Variants in PAWR observed in about 807,000 individuals in gnomAD.
The protein encoded by PAWR is PRKC apoptosis WT1 regulator protein.
PAWR carries 23 observed loss-of-function variants against 32.0 expected under a neutral mutation model. The ratio of observed to expected loss-of-function variants is 0.72; its 90% CI spans 0.52 to 1.02. The LOEUF (loss-of-function observed/expected upper bound fraction) is 1.02. Ranked by LOEUF, PAWR falls within the 50% of genes least tolerant of loss-of-function variation. PAWR has a pLI of 0.00. For missense variants in PAWR, 457 were observed against 437.7 expected (o/e 1.04, Z -0.39); for synonymous variants, 226 against 187.1 (o/e 1.21, Z -1.70).
Position 79,590,022 on chromosome 12 carries a change from A to G in PAWR, c.*2585T>C, listed in dbSNP as rs1176946026. ...TTTATTTTTCAATGGTTAGTGTAAA[A>G]TTCTGTATGTAAAATAAGTACATAT... On this transcript the variant is annotated 3_prime_UTR_variant, in exon 7 of 7. Transcript: ENST00000328827. 6.6e-6 allele frequency: 1 copy of G among 152,052 alleles called. No individual in the cohort carries two copies. Among genetic ancestry groups the G allele is most frequent in the African/African-American group, 2.4e-5 (1 of 41,404 alleles). 9.4% of individuals were successfully genotyped at this position (152,052 alleles called of 1,614,324 possible).
At chr12:79,650,110 C>T (rs1876769568) in intron 2 of PAWR, among the ~76,000 whole-genome samples, 1 of 152,180 alleles carries the variant, frequency 6.6e-6, no homozygotes, top group African/African-American at 2.4e-5. Context: ...CTGGTAGGGT[C>T]TGCAGCCCAG....
At chr12:79,684,661 A>G (rs1301705607) in intron 2 of PAWR, among the ~76,000 whole-genome samples, 6 of 152,076 alleles carry the variant, frequency 3.9e-5, no homozygotes, top group Non-Finnish European at 8.8e-5. Context: ...AATAGTATAA[A>G]CAGGCCACTA....
chr12:79,596,441 G>C, intron 5 of PAWR, 70 bp downstream of exon 5: 1 of 751,016 alleles, frequency 1.3e-6, no homozygotes, highest in Non-Finnish European at 2.1e-6. Flanking sequence ...TTCTCACTCA[G>C]TTGCTATGAA....
At chr12:79,604,986 A>G (rs781273497) in intron 4 of PAWR, among the ~76,000 whole-genome samples, 3 of 152,170 alleles carry the variant, frequency 2.0e-5, no homozygotes, top group Non-Finnish European at 2.9e-5. Context: ...TCCTCCCAGA[A>G]AAATAAACAT....
intron 2 of PAWR, among the ~76,000 whole-genome samples, chr12:79,654,361 G>A (rs1876995523): frequency 6.6e-6 from 1 of 151,936 alleles, no homozygotes; most frequent in Non-Finnish European, 1.5e-5. Flanking sequence ...GGAGAGGGAT[G>A]TGTTTCCATA....
intron 2 of PAWR, among the ~76,000 whole-genome samples, chr12:79,644,815 CA>C (rs920957270): frequency 6.6e-6 from 1 of 152,022 alleles, no homozygotes; most frequent in Non-Finnish European, 1.5e-5. Context: ...AGATAGTTTC[CA>C]AACAACACAT....
chr12:79,647,939 A>C (rs1312685693), intron 2 of PAWR, among the ~76,000 whole-genome samples: 1 of 152,192 alleles, frequency 6.6e-6, no homozygotes, highest in Admixed American at 6.5e-5. Flanking sequence ...ACCTCAGATC[A>C]TCAGCCATTA....
intron 2 of PAWR, among the ~76,000 whole-genome samples, chr12:79,650,276 G>A (rs957016548): frequency 1.3e-5 from 2 of 152,202 alleles, no homozygotes; most frequent in African/African-American, 4.8e-5. Context: ...AGCAAATTTT[G>A]TTAGAATTCT....
intron 5 of PAWR, among the ~76,000 whole-genome samples, chr12:79,595,366 G>T (rs1873712602): frequency 6.6e-6 from 1 of 152,164 alleles, no homozygotes; most frequent in Admixed American, 6.5e-5. Context: ...GAGCTCAAAA[G>T]GCCTTGCCCA....
intron 3 of PAWR, among the ~76,000 whole-genome samples, chr12:79,615,409 GA>G (rs1874680570): frequency 1.3e-5 from 2 of 152,130 alleles, no homozygotes; most frequent in South Asian, 2.1e-4. Context: ...CCAGTTGCAG[GA>G]AATAACCAGG....
chr12:79,624,099 C>A (rs1021633983), intron 2 of PAWR, among the ~76,000 whole-genome samples: 1 of 152,118 alleles, frequency 6.6e-6, no homozygotes, highest in African/African-American at 2.4e-5. Context: ...ACTCAAAAAT[C>A]CCTCACCTAG....
chr12:79,676,134 A>AAAT (rs1035436362), intron 2 of PAWR, among the ~76,000 whole-genome samples: 24 of 152,128 alleles, frequency 1.6e-4, no homozygotes, highest in African/African-American at 5.1e-4. Context: ...TGTAAAATAG[A>AAAT]AATAATAATA....
At chr12:79,610,214 G>A (rs1874371885) in intron 4 of PAWR, among the ~76,000 whole-genome samples, 2 of 152,214 alleles carry the variant, frequency 1.3e-5, no homozygotes, top group African/African-American at 2.4e-5. Context: ...ATGTTTGCCA[G>A]GAATGCCTGA....
intron 2 of PAWR, among the ~76,000 whole-genome samples, chr12:79,626,164 A>C (rs1415284773): frequency 8.3e-5 from 1 of 11,982 alleles, no homozygotes; most frequent in Non-Finnish European, 1.6e-4. Flanking sequence ...ACTCCATCTT[A>C]AAAAAAAAAA....
intron 2 of PAWR, among the ~76,000 whole-genome samples, chr12:79,631,332 A>C (rs1024807099): frequency 6.6e-6 from 1 of 152,200 alleles, no homozygotes; most frequent in Admixed American, 6.5e-5. Flanking sequence ...CAATAAGGTA[A>C]GCATAAGAAA....
intron 2 of PAWR, among the ~76,000 whole-genome samples, chr12:79,651,421 C>T (rs1876839227): frequency 6.6e-6 from 1 of 152,126 alleles, no homozygotes; most frequent in African/African-American, 2.4e-5. Context: ...TGAAGCTTTC[C>T]CTTACAAGCC....
intron 2 of PAWR, among the ~76,000 whole-genome samples, chr12:79,653,920 C>T (rs373799107): frequency 6.6e-6 from 1 of 152,124 alleles, no homozygotes; most frequent in Non-Finnish European, 1.5e-5. Context: ...TAGTTGAGGC[C>T]TAAGAACTCA....
intron 6 of PAWR, 43 bp downstream of exon 6, chr12:79,594,286 C>CAA: frequency 1.3e-6 from 1 of 747,204 alleles, no homozygotes; most frequent in Non-Finnish European, 2.2e-6. Flanking sequence ...ATCCAATTGC[C>CAA]AAAAAAAACC....
chr12:79,604,291 G>GGA, intron 4 of PAWR: 1 of 994,674 alleles, frequency 1.0e-6, no homozygotes, highest in South Asian at 4.5e-5. Flanking sequence ...CTCAGAAAAG[G>GGA]GAAAAGAAAC....
Sources: allele counts gnomAD v4.1 joint callset (sites outside exome capture counted in the v4.1 genomes callset), GRCh38; gene constraint gnomAD v4.1.1; transcripts MANE v1.5; gene names NCBI Gene and HGNC (gene_info 2026-07-23, HGNC 2026-07-21).